ARMC9: variants seen among roughly 807,000 people sequenced by gnomAD.
ARMC9 encodes armadillo repeat containing 9, also known as lisH domain-containing protein ARMC9.
Under a neutral mutation model 107.0 loss-of-function variants are expected in ARMC9, and 94 were observed. The observed-to-expected ratio is 0.88, with a 90% CI of 0.74 to 1.04. The LOEUF (loss-of-function observed/expected upper bound fraction) is 1.04. Among genes scored for constraint, ARMC9 ranks in the 50% least tolerant of loss-of-function variants. The pLI is 0.00. For missense variants in ARMC9, 942 were observed against 1,030.1 expected (o/e 0.91, Z 1.17); for synonymous variants, 380 against 396.9 (o/e 0.96, Z 0.51).
intron 1 of ARMC9, among the ~76,000 whole-genome samples, chr2:231,199,597 T>C (rs965719856): frequency 2.6e-5 from 4 of 152,276 alleles, no homozygotes. Context: ...CTATGAAGGT[T>C]AAATGTAAAA....
intron 19 of ARMC9, among the ~76,000 whole-genome samples, chr2:231,323,027 A>G (rs1037898910): frequency 1.3e-5 from 2 of 152,182 alleles, no homozygotes; most frequent in Non-Finnish European, 2.9e-5. Flanking sequence ...AGAGGCTAGC[A>G]GAATTCTTTC....
At chr2:231,287,689 C>T (rs2040701652) in intron 17 of ARMC9, among the ~76,000 whole-genome samples, 1 of 152,106 alleles carries the variant, frequency 6.6e-6, no homozygotes, top group South Asian at 2.1e-4. Flanking sequence ...GCAATCATGT[C>T]ATGTAATCAT....
chr2:231,361,072 G>T (rs1427979098), intron 23 of ARMC9, among the ~76,000 whole-genome samples, 189 bp downstream of exon 23: 2 of 152,232 alleles, frequency 1.3e-5, no homozygotes, highest in Admixed American at 6.5e-5. Context: ...ACCTCGGAGG[G>T]CTGTGCTGCC....
At chr2:231,277,610 G>A (rs909053880) in intron 15 of ARMC9, among the ~76,000 whole-genome samples, 1 of 148,632 alleles carries the variant, frequency 6.7e-6, no homozygotes, top group African/African-American at 2.5e-5. Flanking sequence ...GCCCAGGCTA[G>A]AGGCAGTGGC....
chr2:231,253,807 G>T (rs766340116), intron 9 of ARMC9, among the ~76,000 whole-genome samples: 1 of 152,206 alleles, frequency 6.6e-6, no homozygotes, highest in Non-Finnish European at 1.5e-5. Flanking sequence ...TAGGAAAGGG[G>T]TGGTTTATTT....
At chr2:231,222,116 A>C (rs1321752969) in intron 5 of ARMC9, among the ~76,000 whole-genome samples, 1 of 152,210 alleles carries the variant, frequency 6.6e-6, no homozygotes, top group Non-Finnish European at 1.5e-5. Flanking sequence ...AATTGTCCTG[A>C]GACAAAGATT....
At chr2:231,286,996 T>C (rs1574954199) in intron 17 of ARMC9, among the ~76,000 whole-genome samples, 2 of 151,914 alleles carry the variant, frequency 1.3e-5, no homozygotes. Context: ...AGGGCTGGAG[T>C]CATAGTCAGC....
At chr2:231,272,791 C>T (rs1052796107) in intron 13 of ARMC9, among the ~76,000 whole-genome samples, 164 bp from the exon 14 acceptor site, 2 of 152,218 alleles carry the variant, frequency 1.3e-5, no homozygotes, top group Non-Finnish European at 2.9e-5. Context: ...GCTAGGATTA[C>T]AGGCGTGAGC....
chr2:231,251,814 C>G (rs1408126053), intron 9 of ARMC9, among the ~76,000 whole-genome samples: 1 of 152,110 alleles, frequency 6.6e-6, no homozygotes, highest in African/African-American at 2.4e-5. Context: ...CAGCCTCAAC[C>G]TCCTGGGCTC....
intron 9 of ARMC9, among the ~76,000 whole-genome samples, chr2:231,252,640 AT>A (rs1004237038): frequency 2.7e-5 from 4 of 150,556 alleles, no homozygotes; most frequent in African/African-American, 9.8e-5. Context: ...TAGGTGAATA[AT>A]TTTTTTCTTT....
intron 9 of ARMC9, among the ~76,000 whole-genome samples, chr2:231,254,823 A>G (rs1457707910): frequency 6.6e-6 from 1 of 152,160 alleles, no homozygotes; most frequent in Non-Finnish European, 1.5e-5. Context: ...ATGGCATTTC[A>G]CTAATCTTGC....
intron 5 of ARMC9, among the ~76,000 whole-genome samples, chr2:231,220,629 C>G (rs1175500098): frequency 6.7e-6 from 1 of 150,278 alleles, no homozygotes; most frequent in African/African-American, 2.4e-5. Flanking sequence ...AATTCCTTGG[C>G]TTCCTAGCTC....
In ARMC9 at chr2:231,240,047, G is replaced by C; in HGVS notation, c.879+6G>C. On this transcript the variant is annotated splice_donor_region_variant and intron_variant, in intron 9 of 24. Coordinates refer to ENST00000611582, the MANE Select transcript of ARMC9 (RefSeq NM_001352754.2). ...ACTTCACGAGGCCTGGGACGGTGAG[G>C]CTCTGCGCTCAGGGCAGGGTGCCCG... 1 of 1,610,582 alleles carries C rather than the reference G, an allele frequency of 6.2e-7. No homozygotes were observed. Among genetic ancestry groups the C allele is most frequent in the African/African-American group, 1.3e-5 (1 of 74,940 alleles).
At chr2:231,302,440 T>G (rs1005047530) in intron 19 of ARMC9, among the ~76,000 whole-genome samples, 1 of 133,238 alleles carries the variant, frequency 7.5e-6, no homozygotes, top group Non-Finnish European at 1.6e-5. Flanking sequence ...TGGGTTTGTT[T>G]TTTTTTTTTT....
In ARMC9 at chr2:231,372,410, C is replaced by G. The variant is rs1254403268; in HGVS notation, c.*875C>G. On this transcript the variant is annotated 3_prime_UTR_variant, in exon 25 of 25. Transcript: ENST00000611582. The stretch of plus-strand genomic sequence containing the variant: ...AGAATATGGTGTGTTCCAGCCTCTT[C>G]AAAGCTCTGCTCTTCTGCACACGTT... 1 of 152,236 alleles carries G rather than the reference C, an allele frequency of 6.6e-6. No individual in the cohort carries two copies. Among genetic ancestry groups the G allele is most frequent in the African/African-American group, 2.4e-5 (1 of 41,448 alleles). 9.4% of individuals were successfully genotyped at this position (152,236 alleles called of 1,614,324 possible).
intron 23 of ARMC9, among the ~76,000 whole-genome samples, chr2:231,366,825 G>C (rs1158178064): frequency 6.8e-6 from 1 of 147,864 alleles, no homozygotes; most frequent in African/African-American, 2.6e-5. Context: ...TGGTGATAGA[G>C]CGAGACTCTG....
chr2:231,250,111 T>G (rs1468557900), intron 9 of ARMC9, among the ~76,000 whole-genome samples: 1 of 152,168 alleles, frequency 6.6e-6, no homozygotes, highest in Non-Finnish European at 1.5e-5. Context: ...GCTCTCAGCC[T>G]GAAATCCTAG....
At chr2:231,199,706 C>CT (rs1027936877) in intron 1 of ARMC9, among the ~76,000 whole-genome samples, 3 of 151,806 alleles carry the variant, frequency 2.0e-5, no homozygotes, top group African/African-American at 7.3e-5. Flanking sequence ...TTTTCTTTTC[C>CT]TTTTTTTGAG....
chr2:231,306,186 C>T (rs1247923106), intron 19 of ARMC9, among the ~76,000 whole-genome samples: 1 of 152,300 alleles, frequency 6.6e-6, no homozygotes, highest in Non-Finnish European at 1.5e-5. Flanking sequence ...AACTTTCCCT[C>T]CCTTATTACT....
Sources: gnomAD v4.1 joint callset for allele counts (sites outside exome capture counted in the v4.1 genomes callset) on GRCh38, gnomAD v4.1.1 for gene constraint, MANE v1.5 for transcripts, NCBI Gene and HGNC (gene_info 2026-07-23, HGNC 2026-07-21) for gene names.